The following IL1RAPL1 variants were observed in gnomAD, a reference collection of about 807,000 sequenced individuals.
IL1RAPL1 encodes the protein interleukin 1 receptor accessory protein like 1, also known as interleukin-1 receptor accessory protein-like 1.
A neutral mutation model predicts 48.4 loss-of-function variants in IL1RAPL1; 3 were observed. The observed-to-expected ratio is 0.06, with a 90% CI of 0.03 to 0.16. The LOEUF is 0.16. IL1RAPL1 is among the 10% of genes least tolerant of loss of function. The probability of loss-of-function intolerance (pLI) is 1.00; values close to 1 mark genes in which losing one functional copy is unlikely to be tolerated. For missense variants in IL1RAPL1, 349 were observed against 530.6 expected, an observed-to-expected ratio of 0.66 and a Z score of 3.36; for synonymous variants, 185 against 187.7, an observed-to-expected ratio of 0.99 and a Z score of 0.12.
chrX:28,788,194 G>C (rs1278486114), intron 1 of IL1RAPL1, among the ~76,000 whole-genome samples: 5 of 111,729 alleles, frequency 4.5e-5, no homozygotes, highest in Admixed American at 1.9e-4. Context: ...GTATGTGTTA[G>C]CTAACTTTAT....
intron 6 of IL1RAPL1, among the ~76,000 whole-genome samples, chrX:29,880,976 A>G (rs780811706): frequency 5.4e-5 from 6 of 111,658 alleles, no homozygotes; most frequent in African/African-American, 1.9e-4. Context: ...ATTCAAAAAT[A>G]GATATTTGTG....
intron 5 of IL1RAPL1, among the ~76,000 whole-genome samples, chrX:29,422,260 T>C (rs1191294218): frequency 9.0e-6 from 1 of 111,681 alleles, no homozygotes; most frequent in Non-Finnish European, 1.9e-5. Flanking sequence ...TTTGGTGAGT[T>C]TGGACTTTAG....
At chrX:29,236,304 A>G (rs937835841) in intron 2 of IL1RAPL1, among the ~76,000 whole-genome samples, 14 of 111,455 alleles carry the variant, frequency 1.3e-4, no homozygotes, top group South Asian at 1.1e-3. Flanking sequence ...GATGTGATTA[A>G]TGTTACTAAA....
At chrX:28,734,029 G>C (rs774000893) in intron 1 of IL1RAPL1, among the ~76,000 whole-genome samples, 1 of 111,295 alleles carries the variant, frequency 9.0e-6, no homozygotes, top group Non-Finnish European at 1.9e-5. Flanking sequence ...CTCTCATTTT[G>C]TTATACTCCA....
chrX:29,323,820 C>T (rs1932826397), intron 3 of IL1RAPL1, among the ~76,000 whole-genome samples: 2 of 78,839 alleles, frequency 2.5e-5, no homozygotes, highest in South Asian at 7.7e-4. Context: ...TGGAGAATCA[C>T]GTAGATTAGA....
chrX:28,600,135 T>C (rs1203901884), intron 1 of IL1RAPL1, among the ~76,000 whole-genome samples: 1 of 111,970 alleles, frequency 8.9e-6, no homozygotes, highest in East Asian at 2.8e-4. Context: ...CAAGATCGTA[T>C]TTTTTCTCTC....
At chrX:28,727,206 T>C (rs1935687202) in intron 1 of IL1RAPL1, among the ~76,000 whole-genome samples, 1 of 110,418 alleles carries the variant, frequency 9.1e-6, no homozygotes, top group Admixed American at 9.7e-5. Flanking sequence ...CTCTTTTATT[T>C]CATTGAGCAG....
chrX:29,821,324 C>T (rs1057399814), intron 6 of IL1RAPL1, among the ~76,000 whole-genome samples: 4 of 110,269 alleles, frequency 3.6e-5, no homozygotes, highest in African/African-American at 1.3e-4. Flanking sequence ...GTGGTGGGCA[C>T]CTGTAGTCCC....
In IL1RAPL1 at chrX:29,282,961, A is replaced by G. The variant is rs369272343; in HGVS notation, c.106A>G (p.Ile36Val). The change falls in exon 3 of 11, where the codon ATC becomes GTC. Residue 36 changes from isoleucine (I) to valine (V), a missense_variant. Around this residue, in one of 3 missense-constraint regions of IL1RAPL1, gnomAD observed 238 missense variants for 337.8 expected, o/e 0.70. Coordinates refer to ENST00000378993, the MANE Select transcript of IL1RAPL1 (RefSeq NM_014271.4). ...AGCCGATGGATGCACTGACTGGTCT[A>G]TCGATATCAAGAAATATCAAGTTTT... Reference protein sequence around the residue: ...GSADGCTDWSIDIKKYQVLVG... With the variant: ...GSADGCTDWSVDIKKYQVLVG... 8 of 1,210,930 alleles carry G rather than the reference A, an allele frequency of 6.6e-6. No homozygotes were observed. Among genetic ancestry groups the G allele is most frequent in the East Asian group, 3.0e-5 (1 of 33,838 alleles).
chrX:29,337,219 AT>A (rs963439513), intron 3 of IL1RAPL1, among the ~76,000 whole-genome samples: 1 of 111,949 alleles, frequency 8.9e-6, no homozygotes, highest in Non-Finnish European at 1.9e-5. Context: ...TATAAAATAT[AT>A]GTGTAAATAA....
chrX:29,334,213 T>C (rs79483461), intron 3 of IL1RAPL1, among the ~76,000 whole-genome samples: 4 of 50,635 alleles, frequency 7.9e-5, no homozygotes, highest in African/African-American at 9.3e-5. Context: ...CCCCCCCACC[T>C]CCCTCCCGGA....
chrX:29,363,799 A>C (rs1274403095), intron 3 of IL1RAPL1, among the ~76,000 whole-genome samples: 1 of 111,546 alleles, frequency 9.0e-6, no homozygotes. Flanking sequence ...TCACTAGAAC[A>C]GCACCAAGGG....
chrX:28,659,302 C>T, intron 1 of IL1RAPL1: 1 of 552,529 alleles, frequency 1.8e-6, no homozygotes, highest in East Asian at 3.3e-5. Context: ...GTTCAGTGGA[C>T]TTCTGATGAC....
At position 29,955,170 on chromosome X, in the gene IL1RAPL1, T is replaced by C; in HGVS notation, c.1441T>C (p.Tyr481His). 8.3e-7 allele frequency: 1 copy of C among 1,211,111 alleles called. No homozygotes were observed. The highest frequency in any genetic ancestry group is 1.1e-6 in the Non-Finnish European group (1 of 895,150). ...GCTGATTATTGTCATGACCCCAAAT[T>C]ACGTAGTTAGAAGGGGCTGGAGCAT... ...KRLIIVMTPN[Y>H]VVRRGWSIFE... The change falls in exon 11 of 11, where the codon TAC (tyrosine) becomes CAC (histidine). Residue 481 changes from tyrosine to histidine, a missense_variant. Transcript: ENST00000378993.
chrX:28,752,183 C>G (rs1380409923), intron 1 of IL1RAPL1, among the ~76,000 whole-genome samples: 3 of 111,719 alleles, frequency 2.7e-5, no homozygotes, highest in Non-Finnish European at 3.8e-5. Flanking sequence ...TTAACATTCT[C>G]TCCATTTTCT....
intron 6 of IL1RAPL1, among the ~76,000 whole-genome samples, chrX:29,781,721 AT>A (rs1929340946): frequency 1.8e-5 from 2 of 111,727 alleles, no homozygotes; most frequent in Admixed American, 1.9e-4. Flanking sequence ...TTGAAAATAT[AT>A]TTTGTTGAGA....
chrX:29,595,747 C>T (rs1426136371), intron 5 of IL1RAPL1, among the ~76,000 whole-genome samples: 1 of 111,571 alleles, frequency 9.0e-6, no homozygotes, highest in African/African-American at 3.3e-5. Context: ...AAATTAAGTC[C>T]CATCTATTTA....
intron 5 of IL1RAPL1, among the ~76,000 whole-genome samples, chrX:29,615,221 G>T (rs1392474496): frequency 1.8e-5 from 2 of 112,081 alleles, no homozygotes; most frequent in African/African-American, 6.5e-5. Flanking sequence ...AAAAACAAAT[G>T]TAAGTCTAAA....
chrX:29,410,125 T>A (rs1934124253), intron 5 of IL1RAPL1, among the ~76,000 whole-genome samples: 1 of 109,982 alleles, frequency 9.1e-6, no homozygotes, highest in Non-Finnish European at 1.9e-5. Flanking sequence ...CCCGGCCTGT[T>A]CTAAATTCTT....
Sources: gnomAD v4.1 joint callset for allele counts (sites outside exome capture counted in the v4.1 genomes callset) on GRCh38, gnomAD v4.1.1 for gene constraint, gnomAD v4.1.1 regional missense constraint, MANE v1.5 for transcripts, NCBI Gene and HGNC (gene_info 2026-07-23, HGNC 2026-07-21) for gene names.